RTN1: variants seen among roughly 807,000 people sequenced by gnomAD.
RTN1 encodes reticulon-1.
A neutral mutation model predicts 65.5 loss-of-function variants in RTN1; 25 were observed. That is an observed-to-expected ratio of 0.38 (90% CI 0.28 to 0.53). The LOEUF (loss-of-function observed/expected upper bound fraction) is 0.53. Among genes scored for constraint, RTN1 ranks in the 20% least tolerant of loss-of-function variants. The pLI is 0.79. For missense variants in RTN1, 983 were observed against 1,025.4 expected, an observed-to-expected ratio of 0.96 and a Z score of 0.57; for synonymous variants, 471 against 447.6, an observed-to-expected ratio of 1.05 and a Z score of -0.66.
chr14:59,744,500 A>C (rs1885176646), intron 2 of RTN1, among the ~76,000 whole-genome samples: 1 of 152,232 alleles, frequency 6.6e-6, no homozygotes, highest in African/African-American at 2.4e-5. Flanking sequence ...AGTGCTGTTT[A>C]GTATCCTGCC....
intron 5 of RTN1, 113 bp from the exon 6 acceptor site, chr14:59,604,034 G>A (rs1049306109): frequency 9.9e-6 from 7 of 703,888 alleles, no homozygotes; most frequent in African/African-American, 3.5e-5. Flanking sequence ...TCATGATTTC[G>A]ATAGTCAATG....
intron 2 of RTN1, among the ~76,000 whole-genome samples, chr14:59,743,914 G>A (rs747993134): frequency 3.9e-5 from 6 of 151,984 alleles, no homozygotes; most frequent in African/African-American, 9.7e-5. Flanking sequence ...TTTATTTTTC[G>A]TTAATTCCCC....
chr14:59,862,744 T>A (rs2139677086), intron 1 of RTN1, among the ~76,000 whole-genome samples: 1 of 152,310 alleles, frequency 6.6e-6, no homozygotes, highest in South Asian at 2.1e-4. Context: ...TATACAGTGA[T>A]TGGTCTCACT....
At chr14:59,619,632 C>T (rs1006734252) in intron 3 of RTN1, among the ~76,000 whole-genome samples, 3 of 152,058 alleles carry the variant, frequency 2.0e-5, no homozygotes, top group African/African-American at 7.2e-5. Flanking sequence ...AGGAAATCTC[C>T]AATGGAGGGT....
intron 3 of RTN1, among the ~76,000 whole-genome samples, chr14:59,721,092 C>A (rs1884637867): frequency 6.6e-6 from 1 of 151,914 alleles, no homozygotes; most frequent in Non-Finnish European, 1.5e-5. Flanking sequence ...GAAGTAATAT[C>A]TAGTATAATA....
intron 3 of RTN1, 102 bp from the exon 4 acceptor site, chr14:59,607,594 T>TG: frequency 2.1e-6 from 2 of 959,418 alleles, no homozygotes; most frequent in Non-Finnish European, 3.2e-6. Context: ...GGTTCTCACC[T>TG]GGCATCTGGA....
chr14:59,786,881 G>C (rs968677381), intron 1 of RTN1, among the ~76,000 whole-genome samples: 2 of 152,218 alleles, frequency 1.3e-5, no homozygotes, highest in African/African-American at 4.8e-5. Flanking sequence ...CTTAGTAACC[G>C]AACTGCAGCA....
intron 3 of RTN1, among the ~76,000 whole-genome samples, chr14:59,722,783 A>G (rs1194100356): frequency 2.0e-5 from 3 of 150,232 alleles, no homozygotes; most frequent in Non-Finnish European, 3.0e-5. Context: ...AGGGTTGAGT[A>G]GGGAACTTTT....
intron 3 of RTN1, among the ~76,000 whole-genome samples, chr14:59,676,430 T>A (rs1230862530): frequency 6.6e-6 from 1 of 152,194 alleles, no homozygotes; most frequent in Non-Finnish European, 1.5e-5. Context: ...ACAGGTTCAA[T>A]TAAGTATCAG....
intron 1 of RTN1, among the ~76,000 whole-genome samples, chr14:59,753,329 C>A (rs1885570115): frequency 6.6e-6 from 1 of 152,152 alleles, no homozygotes; most frequent in South Asian, 2.1e-4. Context: ...GACCCCTTTA[C>A]CACACTCTAA....
intron 3 of RTN1, among the ~76,000 whole-genome samples, chr14:59,647,694 A>G (rs913239408): frequency 3.9e-5 from 6 of 152,236 alleles, no homozygotes; most frequent in Non-Finnish European, 8.8e-5. Context: ...CTTTTGGGTA[A>G]ATAATGAAAT....
chr14:59,814,962 GT>G (rs1418693227), intron 1 of RTN1, among the ~76,000 whole-genome samples: 1 of 152,196 alleles, frequency 6.6e-6, no homozygotes, highest in Non-Finnish European at 1.5e-5. Context: ...AGAAATAGTA[GT>G]AAAACTTAAA....
intron 3 of RTN1, among the ~76,000 whole-genome samples, chr14:59,707,135 A>AAC (rs1884311989): frequency 6.6e-6 from 1 of 152,246 alleles, no homozygotes; most frequent in Non-Finnish European, 1.5e-5. Flanking sequence ...GCTCCAAAGC[A>AAC]ACAACAAAAA....
chr14:59,696,266 A>C (rs930114425), intron 3 of RTN1, among the ~76,000 whole-genome samples: 1 of 152,188 alleles, frequency 6.6e-6, no homozygotes, highest in Admixed American at 6.5e-5. Flanking sequence ...TCATTGCTAA[A>C]TGGCAGGAAC....
chr14:59,826,210 A>G (rs1887028041), intron 1 of RTN1, among the ~76,000 whole-genome samples: 1 of 152,220 alleles, frequency 6.6e-6, no homozygotes, highest in Non-Finnish European at 1.5e-5. Context: ...GCATGATCCT[A>G]TGAAGTGCAT....
chr14:59,819,366 G>C (rs548655304), intron 1 of RTN1, among the ~76,000 whole-genome samples: 1 of 121,106 alleles, frequency 8.3e-6, no homozygotes, highest in East Asian at 2.4e-4. Context: ...ACAGAGAGCC[G>C]ATTGGTCCAT....
At chr14:59,655,251 G>C (rs1883099620) in intron 3 of RTN1, among the ~76,000 whole-genome samples, 1 of 152,106 alleles carries the variant, frequency 6.6e-6, no homozygotes. Flanking sequence ...TTTAACAAAA[G>C]ATGAGCAAAA....
chr14:59,861,287 T>G (rs1020535762), intron 1 of RTN1, among the ~76,000 whole-genome samples: 1 of 152,188 alleles, frequency 6.6e-6, no homozygotes. Context: ...TAAGGGGGAT[T>G]TTCCCTGCCC....
At position 59,746,155 on chromosome 14, in the gene RTN1, T is replaced by C. The variant is rs1292795006; in HGVS notation, c.568A>G (p.Lys190Glu). 1 of 1,606,688 alleles carries C rather than the reference T, an allele frequency of 6.2e-7. No individual in the cohort carries two copies. Among genetic ancestry groups the C allele is most frequent in the East Asian group, 2.2e-5 (1 of 44,876 alleles). Residue 190 changes from lysine (K) to glutamate (E), a missense_variant, in exon 2 of 9, where the codon AAA becomes GAA. Physicochemically the swap from Lys to Glu is moderately conservative, Grantham distance 56. This residue lies in a region of RTN1 where 818 missense variants were observed against 801.8 expected (regional missense o/e 1.02). Coordinates refer to ENST00000267484, the MANE Select transcript of RTN1 (RefSeq NM_021136.3). The part of the protein sequence containing the change: ...KILADPLDQM[K>E]AEAYKYIDIT... ...TCAATGTATTTATAGGCCTCTGCTT[T>C]CATCTGGTCCAGAGGGTCTGCTAAG...
Sources: gnomAD v4.1 joint callset for allele counts (sites outside exome capture counted in the v4.1 genomes callset) on GRCh38, gnomAD v4.1.1 for gene constraint, gnomAD v4.1.1 regional missense constraint, MANE v1.5 for transcripts, NCBI Gene and HGNC (gene_info 2026-07-23, HGNC 2026-07-21) for gene names.